Variants in IDE observed in about 807,000 individuals in gnomAD.
IDE encodes insulin degrading enzyme.
Under a neutral mutation model 133.2 loss-of-function variants are expected in IDE, and 58 were observed. That is an observed-to-expected ratio of 0.44 (90% CI 0.35 to 0.54). The LOEUF is 0.54. Among genes scored for constraint, IDE ranks in the 20% least tolerant of loss-of-function variants. The probability of loss-of-function intolerance (pLI) is 0.00; values close to 1 mark genes in which losing one functional copy is unlikely to be tolerated. For missense variants in IDE, 981 were observed against 1,234.0 expected, an observed-to-expected ratio of 0.79 and a Z score of 3.07; for synonymous variants, 396 against 421.3, an observed-to-expected ratio of 0.94 and a Z score of 0.73.
chr10:92,460,071 T>C (rs1386910334), intron 22 of IDE, among the ~76,000 whole-genome samples: 1 of 152,028 alleles, frequency 6.6e-6, no homozygotes, highest in Non-Finnish European at 1.5e-5. Context: ...ACTCCTGACC[T>C]CGTGATTCAC....
intron 19 of IDE, among the ~76,000 whole-genome samples, chr10:92,466,622 CTT>C (rs369307614): frequency 2.0e-4 from 28 of 136,876 alleles, no homozygotes; most frequent in South Asian, 2.4e-4. Context: ...TGGCCCTTTT[CTT>C]TTTTTTTTTT....
At chr10:92,568,180 G>A (rs186172147) in intron 1 of IDE, among the ~76,000 whole-genome samples, 12 of 152,304 alleles carry the variant, frequency 7.9e-5, no homozygotes, top group Non-Finnish European at 1.2e-4. Flanking sequence ...TGTTGAGTAG[G>A]AAGTTTATTA....
rs746553231 is a variant in IDE at position 92,454,465 on chromosome 10, G to A, written c.3039C>T (p.Asn1013=). ...ATCTTCAGAGTTTTGCAGCCATGAA[G>A]TTAATATGTGGTTTCACAAGGGGAA... ...PLFPLVKPHI[N]FMAAKL is the part of the protein sequence containing the mutation. Residue 1013 remains asparagine (N), a synonymous_variant, in exon 25 of 25, where the codon AAC becomes AAT. Coordinates refer to ENST00000265986, the MANE Select transcript of IDE (RefSeq NM_004969.4). The A allele has an allele frequency of 4.2e-5, 67 of 1,612,648 alleles. No individual in the cohort carries two copies. In the Admixed American group the frequency reaches 1.0e-3, roughly 25 times the overall value.
chr10:92,532,746 C>T (rs1337016653), intron 3 of IDE, among the ~76,000 whole-genome samples: 1 of 150,506 alleles, frequency 6.6e-6, no homozygotes, highest in Non-Finnish European at 1.5e-5. Context: ...AACTTTACAT[C>T]CCATTTTATA....
Position 92,538,435 on chromosome 10 carries a change from C to T in IDE, c.99-885G>A, listed in dbSNP as rs185702509. ...ATAAGAGACCGGTGCTGTCCTATGA[C>T]GGCAGCAATAACAAGGACATAAAAC... On this transcript the variant is annotated intron_variant, in intron 1 of 24. Transcript: ENST00000265986. 2.2e-4 allele frequency among the ~76,000 whole-genome samples: 33 copies of T among 152,290 alleles called. No homozygotes were observed. The East Asian group carries it at 6.4e-3, about 29-fold the overall frequency.
chr10:92,546,319 G>A (rs1842532124), intron 1 of IDE, among the ~76,000 whole-genome samples: 1 of 152,114 alleles, frequency 6.6e-6, no homozygotes, highest in African/African-American at 2.4e-5. Flanking sequence ...ATACAGGTAC[G>A]TTCAGTTTGT....
intron 19 of IDE, among the ~76,000 whole-genome samples, chr10:92,467,892 G>A (rs960074488): frequency 1.3e-5 from 2 of 152,208 alleles, no homozygotes; most frequent in African/African-American, 4.8e-5. Flanking sequence ...GTAATAATAT[G>A]TTCCAGTTGC....
chr10:92,568,035 T>G (rs1241453289), intron 1 of IDE, among the ~76,000 whole-genome samples: 1 of 152,218 alleles, frequency 6.6e-6, no homozygotes, highest in Non-Finnish European at 1.5e-5. Flanking sequence ...CTTCAAAGAC[T>G]CTTGTTCAAA....
chr10:92,505,493 C>A (rs1231714581), intron 10 of IDE, among the ~76,000 whole-genome samples: 1 of 152,166 alleles, frequency 6.6e-6, no homozygotes, highest in African/African-American at 2.4e-5. Context: ...ATGTGCCAGA[C>A]ACTGTTCCAC....
At chr10:92,550,737 G>A (rs1445402064) in intron 1 of IDE, among the ~76,000 whole-genome samples, 1 of 151,998 alleles carries the variant, frequency 6.6e-6, no homozygotes, top group Non-Finnish European at 1.5e-5. Context: ...GGGCGTGGTG[G>A]CATGCGCCTG....
chr10:92,572,786 G>T, intron 1 of IDE: 2 of 569,492 alleles, frequency 3.5e-6, no homozygotes, highest in Non-Finnish European at 4.4e-6. Context: ...GCATATCTAG[G>T]CTGGATTACG....
intron 19 of IDE, among the ~76,000 whole-genome samples, chr10:92,466,466 G>GC (rs1845692887): frequency 6.6e-6 from 1 of 151,636 alleles, no homozygotes; most frequent in Non-Finnish European, 1.5e-5. Context: ...ATAGGCATGT[G>GC]CCCCCACACC....
At chr10:92,517,922 TGATA>T (rs1431551681) in intron 4 of IDE, among the ~76,000 whole-genome samples, 1 of 152,060 alleles carries the variant, frequency 6.6e-6, no homozygotes, top group African/African-American at 2.4e-5. Flanking sequence ...TCTGATTGAT[TGATA>T]GATAAATAAA....
At chr10:92,572,830 T>C (rs1396620761) in intron 1 of IDE, 20 of 950,168 alleles carry the variant, frequency 2.1e-5, no homozygotes, top group Non-Finnish European at 2.4e-5. Context: ...CTTTCTGCCA[T>C]TCCTTCCAAA....
chr10:92,460,679 T>A (rs1409831933), intron 22 of IDE, among the ~76,000 whole-genome samples: 1 of 152,230 alleles, frequency 6.6e-6, no homozygotes, highest in African/African-American at 2.4e-5. Context: ...TCAGCAAACT[T>A]GGTTTAGAGG....
intron 4 of IDE, 115 bp from the exon 5 acceptor site, chr10:92,515,157 CA>C (rs1848836236): frequency 1.3e-6 from 1 of 748,406 alleles, no homozygotes; most frequent in Non-Finnish European, 2.2e-6. Flanking sequence ...TTCTAATACA[CA>C]GAATAACTCA....
At chr10:92,483,206 G>A (rs572287173) in intron 14 of IDE, 49 bp downstream of exon 14, 66 of 933,878 alleles carry the variant, frequency 7.1e-5, no homozygotes, top group Middle Eastern at 2.2e-4. Context: ...TCCTGGAAAC[G>A]TAATTGTTGA....
chr10:92,520,199 A>G (rs1849147007), intron 4 of IDE, among the ~76,000 whole-genome samples: 1 of 152,212 alleles, frequency 6.6e-6, no homozygotes, highest in Non-Finnish European at 1.5e-5. Flanking sequence ...AGCCTAAGAA[A>G]TGTAATAATG....
chr10:92,558,296 C>T (rs770359289), intron 1 of IDE, among the ~76,000 whole-genome samples: 5 of 152,192 alleles, frequency 3.3e-5, no homozygotes, highest in East Asian at 1.9e-4. Flanking sequence ...TCAGGTGATC[C>T]GCCCACCTCG....
Sources: gnomAD v4.1 joint callset for allele counts (sites outside exome capture counted in the v4.1 genomes callset) on GRCh38, gnomAD v4.1.1 for gene constraint, MANE v1.5 for transcripts, NCBI Gene and HGNC (gene_info 2026-07-23, HGNC 2026-07-21) for gene names.